Variants in TAFA5 observed in about 807,000 individuals in gnomAD.
TAFA5 encodes the protein chemokine-like protein TAFA-5.
Under a neutral mutation model 15.3 loss-of-function variants are expected in TAFA5, and 6 were observed. The ratio of observed to expected loss-of-function variants is 0.39; its 90% CI spans 0.21 to 0.77. The LOEUF is 0.77. Ranked by LOEUF, TAFA5 falls within the 30% of genes least tolerant of loss-of-function variation. The pLI is 0.41. For missense variants in TAFA5, 161 were observed against 193.1 expected (o/e 0.83, Z 0.98); for synonymous variants, 103 against 80.7 (o/e 1.28, Z -1.48).
chr22:48,540,048 G>C (rs1390530537), intron 1 of TAFA5, among the ~76,000 whole-genome samples: 1 of 152,182 alleles, frequency 6.6e-6, no homozygotes, highest in Non-Finnish European at 1.5e-5. Flanking sequence ...GAAGGGTTAG[G>C]AGCAGCCGGG....
intron 2 of TAFA5, among the ~76,000 whole-genome samples, chr22:48,684,735 C>T (rs141961035): frequency 1.3e-5 from 2 of 152,150 alleles, no homozygotes; most frequent in East Asian, 1.9e-4. Flanking sequence ...GTAAAATCCC[C>T]CAAGAGCGGC....
chr22:48,693,202 G>A (rs1176145936), intron 2 of TAFA5: 12 of 1,241,494 alleles, frequency 9.7e-6, no homozygotes, highest in Admixed American at 2.3e-5. Context: ...CCTCAGTGAC[G>A]GGGCCTCACT....
intron 1 of TAFA5, among the ~76,000 whole-genome samples, chr22:48,494,928 C>T (rs779588419): frequency 3.9e-5 from 6 of 152,220 alleles, no homozygotes; most frequent in East Asian, 3.8e-4. Flanking sequence ...TGGCAGGAAT[C>T]GGGTGTGGAA....
At chr22:48,589,710 C>T (rs776929262) in intron 1 of TAFA5, among the ~76,000 whole-genome samples, 19 of 150,296 alleles carry the variant, frequency 1.3e-4, no homozygotes, top group Non-Finnish European at 2.5e-4. Flanking sequence ...GAGAGGGGGC[C>T]TCGTGAAGAT....
At chr22:48,672,889 C>T (rs540384473) in intron 2 of TAFA5, among the ~76,000 whole-genome samples, 16 of 152,318 alleles carry the variant, frequency 1.1e-4, no homozygotes, top group Admixed American at 7.8e-4. Context: ...CACCCAGACA[C>T]GTGCTGGTGG....
chr22:48,492,703 A>G lies in TAFA5; in HGVS notation c.112+2999A>G, dbSNP rs534514402. 2.0e-5 allele frequency among the ~76,000 whole-genome samples: 3 copies of G among 152,092 alleles called. 1 individual carries two copies. The South Asian group carries it at 6.2e-4, about 31-fold the overall frequency. On this transcript the variant is annotated intron_variant, in intron 1 of 3. Transcript: ENST00000402357. ...CCCTGGATGGCTCACTTTAAAATGC[A>G]TGCTCGGTGGTCTGCGACCATCACG...
Position 48,738,015 on chromosome 22 carries a change from C to T in TAFA5, c.391-11824C>T, listed in dbSNP as rs73441826. 8.4e-3 allele frequency among the ~76,000 whole-genome samples: 1,278 copies of T among 152,246 alleles called. 23 individuals are homozygous for T. The highest frequency in any genetic ancestry group is 0.029 in the African/African-American group (1,207 of 41,550). On this transcript the variant is annotated intron_variant, in intron 3 of 3. Coordinates refer to ENST00000402357, the MANE Select transcript of TAFA5 (RefSeq NM_001082967.3). ...GGGGGCTCTGGCCTCCTTTGGAGGA[C>T]ATGAGGGAGATCCTGGGTCCTCTCA...
rs891639133 is a variant in TAFA5, at chr22:48,646,517, GTGGGTGGGCTC to G, written c.113-65_113-55del. 86 of 1,541,604 alleles carry G rather than the reference GTGGGTGGGCTC, an allele frequency of 5.6e-5. No individual in the cohort carries two copies. The Middle Eastern group carries it at 1.5e-3, about 27-fold the overall frequency. On this transcript the variant is annotated intron_variant, in intron 1 of 3. Transcript: ENST00000402357. ...TGGCCTGGCTGCTGGGGGCCCCTCT[GTGGGTGGGCTC>G]TGGGTGGGCTCTGGCTGTGGGGTGT...
rs185245982 is a variant in TAFA5, at chr22:48,631,040, C to G, written c.113-15557C>G. Among the ~76,000 whole-genome samples the G allele has an allele frequency of 2.6e-3, 393 of 152,280 alleles. 3 individuals are homozygous for G. Among genetic ancestry groups the G allele is most frequent in the African/African-American group, 8.9e-3 (371 of 41,556 alleles). On this transcript the variant is annotated intron_variant, in intron 1 of 3. Transcript: ENST00000402357. Reference sequence around the variant, plus strand: ...ATGCAGCGTGGAGTCCCTGCAGGAACGTTCTGGAGGGGGTGTGGCTCCCCG... The same window carrying G: ...ATGCAGCGTGGAGTCCCTGCAGGAAGGTTCTGGAGGGGGTGTGGCTCCCCG...
chr22:48,498,890 A>G (rs1280451846), intron 1 of TAFA5, among the ~76,000 whole-genome samples: 3 of 152,092 alleles, frequency 2.0e-5, no homozygotes, highest in African/African-American at 7.2e-5. Context: ...TGTGGACTCA[A>G]TACCAGCAGG....
At chr22:48,713,162 G>A (rs1929304232) in intron 3 of TAFA5, among the ~76,000 whole-genome samples, 1 of 152,196 alleles carries the variant, frequency 6.6e-6, no homozygotes, top group Admixed American at 6.5e-5. Context: ...TCACAGTTGT[G>A]GGGGTGAAGA....
At chr22:48,719,459 G>A in intron 3 of TAFA5, among the ~76,000 whole-genome samples, 1 of 152,224 alleles carries the variant, frequency 6.6e-6, no homozygotes, top group Admixed American at 6.5e-5. Flanking sequence ...GCGATGGCCA[G>A]GGGAGAGGAA....
At chr22:48,571,759 C>T (rs962956154) in intron 1 of TAFA5, among the ~76,000 whole-genome samples, 10 of 151,710 alleles carry the variant, frequency 6.6e-5, no homozygotes, top group African/African-American at 2.2e-4. Context: ...TTTTATTCTC[C>T]TTTAGAACTT....
At chr22:48,635,003 TA>T (rs2147192789) in intron 1 of TAFA5, among the ~76,000 whole-genome samples, 1 of 152,208 alleles carries the variant, frequency 6.6e-6, no homozygotes, top group East Asian at 1.9e-4. Flanking sequence ...TTTCCTGAGG[TA>T]GGGGGGATCC....
intron 1 of TAFA5, among the ~76,000 whole-genome samples, chr22:48,535,645 A>T (rs1380364123): frequency 6.8e-6 from 1 of 146,488 alleles, no homozygotes; most frequent in East Asian, 2.1e-4. Context: ...ATGAGCACTC[A>T]TGCATACATG....
intron 1 of TAFA5, among the ~76,000 whole-genome samples, chr22:48,605,156 GTGGT>G (rs1925113780): frequency 2.6e-5 from 1 of 38,906 alleles, no homozygotes; most frequent in Non-Finnish European, 5.4e-5. Context: ...GATGGTTATG[GTGGT>G]TATGATTATG....
At chr22:48,662,621 G>A (rs928128470) in intron 2 of TAFA5, among the ~76,000 whole-genome samples, 2 of 152,224 alleles carry the variant, frequency 1.3e-5, no homozygotes, top group Non-Finnish European at 2.9e-5. Flanking sequence ...CACACGTGGA[G>A]CATCTGTTCT....
intron 1 of TAFA5, among the ~76,000 whole-genome samples, chr22:48,529,120 G>T (rs1259163693): frequency 1.3e-5 from 2 of 151,852 alleles, no homozygotes; most frequent in Admixed American, 1.3e-4. Flanking sequence ...GGCGCTGCAT[G>T]CCTAGGACCT....
intron 3 of TAFA5, among the ~76,000 whole-genome samples, chr22:48,712,937 C>T (rs574208943): frequency 2.0e-5 from 3 of 152,346 alleles, no homozygotes; most frequent in South Asian, 4.1e-4. Flanking sequence ...TCTCCACAGA[C>T]GTTCCTTGGC....
Sources: allele counts gnomAD v4.1 joint callset (sites outside exome capture counted in the v4.1 genomes callset), GRCh38; gene constraint gnomAD v4.1.1; transcripts MANE v1.5; gene names NCBI Gene and HGNC (gene_info 2026-07-23, HGNC 2026-07-21).